The following NDRG1 variants were observed in gnomAD, a reference collection of about 807,000 sequenced individuals.
NDRG1 encodes N-myc downstream regulated 1, also known as protein NDRG1.
NDRG1 carries 32 observed loss-of-function variants against 56.9 expected under a neutral mutation model. The observed-to-expected ratio is 0.56, with a 90% CI of 0.42 to 0.76. The LOEUF (loss-of-function observed/expected upper bound fraction) is 0.76. NDRG1 is among the 30% of genes least tolerant of loss of function. The pLI is 0.00. For missense variants in NDRG1, 507 were observed against 545.7 expected (o/e 0.93, Z 0.71); for synonymous variants, 211 against 204.1 (o/e 1.03, Z -0.29).
At chr8:133,279,940 C>A (rs1857687902) in intron 3 of NDRG1, among the ~76,000 whole-genome samples, 1 of 152,194 alleles carries the variant, frequency 6.6e-6, no homozygotes, top group East Asian at 1.9e-4. Context: ...CCCAGCATCA[C>A]ACCATTTTCC....
intron 3 of NDRG1, among the ~76,000 whole-genome samples, chr8:133,271,122 T>C (rs1419780284): frequency 6.6e-6 from 1 of 152,182 alleles, no homozygotes; most frequent in African/African-American, 2.4e-5. Context: ...CCGCTGCCCC[T>C]GGTAATCCCC....
At chr8:133,284,165 G>T in intron 2 of NDRG1, 84 bp downstream of exon 2, 1 of 1,297,410 alleles carries the variant, frequency 7.7e-7, no homozygotes, top group Non-Finnish European at 1.1e-6. Flanking sequence ...ATGCCCATAA[G>T]TACAAGTGTG....
intron 8 of NDRG1, 191 bp from the exon 9 acceptor site, chr8:133,254,786 T>A: frequency 1.5e-6 from 1 of 645,210 alleles, no homozygotes; most frequent in Non-Finnish European, 2.8e-6. Context: ...ATCCCCCAAA[T>A]GCAGGGCCTG....
chr8:133,291,002 G>A (rs1460473091), intron 1 of NDRG1, among the ~76,000 whole-genome samples: 6 of 152,188 alleles, frequency 3.9e-5, no homozygotes, highest in Non-Finnish European at 8.8e-5. Context: ...CCTCCCTACT[G>A]AGGGAAAGGT....
At chr8:133,242,338 T>C (rs1855433117) in intron 14 of NDRG1, among the ~76,000 whole-genome samples, 1 of 152,228 alleles carries the variant, frequency 6.6e-6, no homozygotes, top group East Asian at 1.9e-4. Flanking sequence ...ATCACAGCTA[T>C]TTCTGTGTGT....
At chr8:133,295,184 C>T (rs754509724) in intron 1 of NDRG1, among the ~76,000 whole-genome samples, 24 of 152,286 alleles carry the variant, frequency 1.6e-4, no homozygotes, top group Middle Eastern at 3.4e-3. Flanking sequence ...TTACCTCGCC[C>T]GAAACTCAAC....
chr8:133,272,199 A>G (rs2976576), intron 3 of NDRG1, among the ~76,000 whole-genome samples: 131,292 of 152,296 alleles, frequency 0.86, 56,784 homozygotes, highest in East Asian at 1. Context: ...AGTGGGCAGA[A>G]GGTGTCAGCC....
At chr8:133,247,040 C>A (rs1855726216) in intron 12 of NDRG1, among the ~76,000 whole-genome samples, 1 of 152,160 alleles carries the variant, frequency 6.6e-6, no homozygotes, top group East Asian at 1.9e-4. Context: ...TTTAATATTC[C>A]CAGATCTAAC....
At chr8:133,254,895 C>A in intron 8 of NDRG1, 1 of 429,926 alleles carries the variant, frequency 2.3e-6, no homozygotes, top group Non-Finnish European at 4.3e-6. Context: ...TACCCTGCTC[C>A]AAACATTCAC....
At chr8:133,239,775 C>A (rs1243330963) in intron 15 of NDRG1, 1 of 155,048 alleles carries the variant, frequency 6.4e-6, no homozygotes, top group Non-Finnish European at 1.4e-5. Context: ...TGAGGAGGAA[C>A]AATCCTGCCC....
At chr8:133,287,028 C>T (rs1858156835) in intron 1 of NDRG1, among the ~76,000 whole-genome samples, 1 of 152,166 alleles carries the variant, frequency 6.6e-6, no homozygotes, top group Admixed American at 6.5e-5. Flanking sequence ...AGAGCGGCTC[C>T]CTCACCTCAG....
chr8:133,244,911 C>T (rs576523067), intron 13 of NDRG1, among the ~76,000 whole-genome samples: 4 of 152,304 alleles, frequency 2.6e-5, no homozygotes, highest in African/African-American at 7.2e-5. Flanking sequence ...ATCACCGAAC[C>T]GCAAGAGGCC....
chr8:133,248,568 G>A (rs1855826230), intron 11 of NDRG1, 147 bp downstream of exon 11: 3 of 992,254 alleles, frequency 3.0e-6, no homozygotes, highest in Non-Finnish European at 4.8e-6. Flanking sequence ...AAGTCAGGCT[G>A]GGTAATGCTC....
Position 133,284,469 on chromosome 8 carries a change from GA to G in NDRG1, c.-18-141del. 4.1e-6 allele frequency: 3 copies of G among 725,886 alleles called. No individual in the cohort carries two copies. The South Asian group carries it at 4.8e-5, about 12-fold the overall frequency. 45.0% of individuals were successfully genotyped at this position (725,886 alleles called of 1,614,324 possible). A position where few individuals can be genotyped will look rare whatever the true frequency, so the allele number is the denominator to read the frequency against. On this transcript the variant is annotated intron_variant, in intron 1 of 15. Transcript: ENST00000323851. Reference sequence around the variant, plus strand: ...ACCTCCCTCGTGATGCACTGCAGGGGATGAGGAGGTCCCTTGTACACACAGC... The same window carrying G: ...ACCTCCCTCGTGATGCACTGCAGGGGTGAGGAGGTCCCTTGTACACACAGC...
At chr8:133,290,479 T>G (rs958438901) in intron 1 of NDRG1, among the ~76,000 whole-genome samples, 1 of 152,184 alleles carries the variant, frequency 6.6e-6, no homozygotes, top group East Asian at 1.9e-4. Flanking sequence ...TTAAGATGTG[T>G]GCCCCAAGTC....
intron 8 of NDRG1, 111 bp from the exon 9 acceptor site, chr8:133,254,706 A>C: frequency 4.8e-6 from 5 of 1,040,866 alleles, no homozygotes; most frequent in Non-Finnish European, 7.3e-6. Flanking sequence ...ACTCCCCCCT[A>C]CATGCAGGCC....
chr8:133,290,543 G>C lies in NDRG1; in HGVS notation c.-18-6214C>G, dbSNP rs1269144866. ...TTAAAGCAACCTTAAAGGGAATGTT[G>C]ACAATGATCTCACATTGCCCTAAAT... is the stretch of plus-strand genomic sequence containing the variant. On this transcript the variant is annotated intron_variant, in intron 1 of 15. Transcript: ENST00000323851. Among the ~76,000 whole-genome samples, 4 of 152,278 alleles carry C rather than the reference G, an allele frequency of 2.6e-5. No homozygotes were observed. The Middle Eastern group carries it at 0.01, about 388-fold the overall frequency.
At position 133,264,946 on chromosome 8, in the gene NDRG1, C is replaced by T. The variant is rs1437941506; in HGVS notation, c.100-294G>A. 15 of 450,992 alleles carry T rather than the reference C, an allele frequency of 3.3e-5. No individual in the cohort carries two copies. The Admixed American group carries it at 3.8e-4, about 11-fold the overall frequency. 27.9% of individuals were successfully genotyped at this position (450,992 alleles called of 1,614,324 possible). On this transcript the variant is annotated intron_variant, in intron 3 of 15. Transcript: ENST00000323851. ...CACCATCTCTGCCCCGGACTGTTTG[C>T]TCCATCTGGAAAACAGGCCATCAAG... is the stretch of plus-strand genomic sequence containing the variant.
chr8:133,259,299 C>T, intron 5 of NDRG1, 69 bp from the exon 6 acceptor site: 8 of 1,502,714 alleles, frequency 5.3e-6, no homozygotes, highest in Non-Finnish European at 7.4e-6. Flanking sequence ...CAGGGACACG[C>T]TTGAAGGGTG....
Sources: allele counts gnomAD v4.1 joint callset (sites outside exome capture counted in the v4.1 genomes callset), GRCh38; gene constraint gnomAD v4.1.1; transcripts MANE v1.5; gene names NCBI Gene and HGNC (gene_info 2026-07-23, HGNC 2026-07-21).